The following CUBN variants were observed in gnomAD, a reference collection of about 807,000 sequenced individuals.
The protein encoded by CUBN is 460 kDa receptor.
A neutral mutation model predicts 405.3 loss-of-function variants in CUBN; 282 were observed. The ratio of observed to expected loss-of-function variants is 0.70; its 90% CI spans 0.63 to 0.77. The LOEUF is 0.77. Among genes scored for constraint, CUBN ranks in the 30% least tolerant of loss-of-function variants. The pLI is 0.00. For synonymous variants in CUBN, 1,684 were observed against 1,617.0 expected (o/e 1.04, Z -0.99); for missense variants, 4,514 against 4,475.2 (o/e 1.01, Z -0.25).
At chr10:16,895,372 C>T (rs1264255621) in intron 54 of CUBN, among the ~76,000 whole-genome samples, 1 of 145,874 alleles carries the variant, frequency 6.9e-6, no homozygotes, top group Admixed American at 6.7e-5. Context: ...TATATACACA[C>T]ACACACACAC....
At chr10:16,920,244 C>T (rs1208491956) in intron 43 of CUBN, 107 bp from the exon 44 acceptor site, 2 of 1,134,718 alleles carry the variant, frequency 1.8e-6, no homozygotes, top group Admixed American at 2.0e-5. Context: ...GTCTCCATTT[C>T]CTTTCATCTG....
At chr10:17,078,356 A>C (rs534579869) in intron 17 of CUBN, among the ~76,000 whole-genome samples, 325 of 152,216 alleles carry the variant, frequency 2.1e-3, no homozygotes, top group Middle Eastern at 0.01. Context: ...TAGCACCACT[A>C]CCTGGAGTCC....
intron 13 of CUBN, among the ~76,000 whole-genome samples, chr10:17,100,721 G>C (rs1836476223): frequency 6.6e-6 from 1 of 152,178 alleles, no homozygotes; most frequent in Non-Finnish European, 1.5e-5. Flanking sequence ...TTCCAGAGGG[G>C]CTAAGATTCT....
Position 16,829,032 on chromosome 10 carries a change from C to T in CUBN, c.10537G>A (p.Gly3513Arg). The T allele has an allele frequency of 6.2e-7, 1 of 1,613,588 alleles. No homozygotes were observed. Residue 3513 changes from glycine to arginine, a missense_variant, in exon 66 of 67, where the codon GGA (glycine) becomes AGA (arginine). Physicochemically the swap from Gly to Arg is moderately radical, Grantham distance 125. This residue lies in a region of CUBN where 1,186 missense variants were observed against 1,186.9 expected (regional missense o/e 1.00). Coordinates refer to ENST00000377833, the MANE Select transcript of CUBN (RefSeq NM_001081.4). ...GAGCCTCTGTCTCCATAAAGAGTTCCACCACATCCTGCAAGGAAAACAGGA... is the reference window on the plus strand; with the variant it reads ...GAGCCTCTGTCTCCATAAAGAGTTCTACCACATCCTGCAAGGAAAACAGGA... Reference protein sequence around the residue: ...IWTSSPSGCGGTLYGDRGSFT... With the variant: ...IWTSSPSGCGRTLYGDRGSFT...
At chr10:16,838,716 C>T (rs534872334) in intron 62 of CUBN, among the ~76,000 whole-genome samples, 1 of 152,306 alleles carries the variant, frequency 6.6e-6, no homozygotes, top group East Asian at 1.9e-4. Context: ...GCGATCTTGG[C>T]TCACTGCAAC....
intron 28 of CUBN, among the ~76,000 whole-genome samples, chr10:17,003,809 C>T (rs1833949899): frequency 6.6e-6 from 1 of 152,168 alleles, no homozygotes; most frequent in African/African-American, 2.4e-5. Flanking sequence ...ACCGCTATTC[C>T]TCGCTCTTAG....
intron 48 of CUBN, among the ~76,000 whole-genome samples, chr10:16,909,151 C>T (rs1232271356): frequency 1.3e-5 from 2 of 152,100 alleles, no homozygotes; most frequent in Non-Finnish European, 2.9e-5. Context: ...TCCCAAAGTG[C>T]TGGGATTACA....
chr10:16,992,727 T>G (rs1261853569), intron 28 of CUBN, among the ~76,000 whole-genome samples: 1 of 152,222 alleles, frequency 6.6e-6, no homozygotes, highest in East Asian at 1.9e-4. Flanking sequence ...TGAAAACCTC[T>G]GCGTTTTCAG....
chr10:16,864,343 C>G (rs10904827), intron 59 of CUBN, among the ~76,000 whole-genome samples: 43,805 of 151,884 alleles, frequency 0.29, 6,986 homozygotes, highest in East Asian at 0.57. Flanking sequence ...AATGTTGATC[C>G]CTGCCCACCC....
chr10:17,065,437 T>C lies in CUBN; in HGVS notation c.3139+71A>G, dbSNP rs561917005. 5.9e-5 allele frequency: 93 copies of C among 1,587,618 alleles called. No homozygotes were observed. The South Asian group carries it at 9.2e-4, about 16-fold the overall frequency. ...CAGGTTTGCGGATGATGTATTCTCA[T>C]TGTGTTTTAGCTATTAGCACTGTTT... On this transcript the variant is annotated intron_variant, in intron 22 of 66. Coordinates refer to ENST00000377833, the MANE Select transcript of CUBN (RefSeq NM_001081.4).
chr10:16,851,134 T>C (rs1309136703), intron 60 of CUBN, 101 bp downstream of exon 60: 2 of 927,482 alleles, frequency 2.2e-6, no homozygotes, highest in Non-Finnish European at 3.5e-6. Context: ...GTAGCACCTG[T>C]ACTCAAAATT....
chr10:16,936,980 A>G (rs7913759), intron 39 of CUBN, among the ~76,000 whole-genome samples: 55,040 of 152,060 alleles, frequency 0.36, 12,331 homozygotes, highest in African/African-American at 0.63. Flanking sequence ...GCCTCCAAAA[A>G]TGCTGGGATT....
intron 16 of CUBN, 97 bp downstream of exon 16, chr10:17,085,500 T>TC: frequency 8.2e-7 from 1 of 1,217,400 alleles, no homozygotes; most frequent in Non-Finnish European, 1.2e-6. Flanking sequence ...TCTAAGACAG[T>TC]CAGTCATCCT....
chr10:16,920,181 G>C, intron 43 of CUBN, 44 bp from the exon 44 acceptor site: 1 of 1,593,244 alleles, frequency 6.3e-7, no homozygotes, highest in Non-Finnish European at 8.6e-7. Flanking sequence ...CTGGTGAAGG[G>C]GATGCAGTCA....
chr10:16,970,136 T>G (rs780882822), intron 31 of CUBN, among the ~76,000 whole-genome samples: 3 of 152,214 alleles, frequency 2.0e-5, no homozygotes, highest in African/African-American at 2.4e-5. Context: ...CTGGTACATA[T>G]TTGGCACCGA....
At chr10:17,042,666 T>C (rs934969486) in intron 26 of CUBN, among the ~76,000 whole-genome samples, 1 of 152,208 alleles carries the variant, frequency 6.6e-6, no homozygotes, top group Admixed American at 6.5e-5. Context: ...GAGACCTTTT[T>C]ATGTACTAGT....
intron 28 of CUBN, among the ~76,000 whole-genome samples, chr10:16,993,414 C>T (rs945085550): frequency 1.3e-5 from 2 of 152,016 alleles, no homozygotes; most frequent in Admixed American, 6.6e-5. Flanking sequence ...TGAATTCCTT[C>T]GCAAATAACA....
chr10:16,835,830 T>C (rs1433536537), intron 63 of CUBN, among the ~76,000 whole-genome samples: 2 of 152,144 alleles, frequency 1.3e-5, no homozygotes, highest in African/African-American at 4.8e-5. Flanking sequence ...ACCTCTGAAA[T>C]ATAAACTTTA....
chr10:17,104,415 G>A lies in CUBN; in HGVS notation c.1417+4C>T, dbSNP rs1331507154. 2 of 1,613,868 alleles carry A rather than the reference G, an allele frequency of 1.2e-6. No homozygotes were observed. The highest frequency in any genetic ancestry group is 1.1e-5 in the South Asian group (1 of 91,082). On this transcript the variant is annotated splice_donor_region_variant and intron_variant, in intron 12 of 66. Transcript: ENST00000377833. ...ATCCGTGGCATAAGAAATGCTGACT[G>A]TACCTTGCTGAGGAACCTGACAGAG...
Sources: allele counts gnomAD v4.1 joint callset (sites outside exome capture counted in the v4.1 genomes callset), GRCh38; gene constraint gnomAD v4.1.1; regional missense constraint gnomAD v4.1.1; transcripts MANE v1.5; gene names NCBI Gene and HGNC (gene_info 2026-07-23, HGNC 2026-07-21).